The following NRG1 variants were observed in gnomAD, a reference collection of about 807,000 sequenced individuals.
NRG1 encodes pro-neuregulin-1, membrane-bound isoform.
Under a neutral mutation model 63.8 loss-of-function variants are expected in NRG1, and 18 were observed. That is an observed-to-expected ratio of 0.28 (90% CI 0.19 to 0.42). The LOEUF is 0.42. Among genes scored for constraint, NRG1 ranks in the 10% least tolerant of loss-of-function variants. The probability of loss-of-function intolerance (pLI) is 1.00; values close to 1 mark genes in which losing one functional copy is unlikely to be tolerated. For missense variants in NRG1, 762 were observed against 814.7 expected (o/e 0.94, Z 0.79); for synonymous variants, 302 against 301.3 (o/e 1.00, Z -0.02).
chr8:32,130,028 A>G (rs2131620607), intron 1 of NRG1, among the ~76,000 whole-genome samples: 2 of 152,084 alleles, frequency 1.3e-5, no homozygotes, highest in South Asian at 4.2e-4. Context: ...TAAAAAATGT[A>G]AGAACTCTGA....
At chr8:31,822,227 A>G (rs1055639529) in intron 1 of NRG1, among the ~76,000 whole-genome samples, 3 of 152,178 alleles carry the variant, frequency 2.0e-5, no homozygotes, top group Non-Finnish European at 4.4e-5. Flanking sequence ...ATACGATATC[A>G]CTCAACAGAA....
At chr8:32,452,968 A>G (rs1290023278) in intron 1 of NRG1, among the ~76,000 whole-genome samples, 1 of 152,194 alleles carries the variant, frequency 6.6e-6, no homozygotes, top group Non-Finnish European at 1.5e-5. Context: ...CATAGAATAT[A>G]AGCTATTTTT....
chr8:31,783,645 C>T (rs1260344043), intron 1 of NRG1, among the ~76,000 whole-genome samples: 2 of 150,976 alleles, frequency 1.3e-5, no homozygotes, highest in South Asian at 2.1e-4. Flanking sequence ...CCATCAAGAG[C>T]TGCATAGCTT....
At chr8:32,489,726 C>A (rs1001094314) in intron 1 of NRG1, among the ~76,000 whole-genome samples, 1 of 152,182 alleles carries the variant, frequency 6.6e-6, no homozygotes, top group Admixed American at 6.5e-5. Context: ...TTTCACTTAA[C>A]AATAGCTGGC....
intron 1 of NRG1, among the ~76,000 whole-genome samples, chr8:32,126,500 G>C (rs940318927): frequency 6.6e-6 from 1 of 151,786 alleles, no homozygotes; most frequent in Admixed American, 6.6e-5. Context: ...CAGCTGTTGG[G>C]GTTTAGAGCT....
At chr8:31,957,671 G>C (rs1023727682) in intron 1 of NRG1, among the ~76,000 whole-genome samples, 1 of 152,124 alleles carries the variant, frequency 6.6e-6, no homozygotes, top group African/African-American at 2.4e-5. Flanking sequence ...GTGTAAATTT[G>C]CACTGACAGC....
intron 11 of NRG1, among the ~76,000 whole-genome samples, 167 bp from the exon 12 acceptor site, chr8:32,763,581 G>A (rs1012109122): frequency 6.6e-6 from 1 of 152,222 alleles, no homozygotes; most frequent in Non-Finnish European, 1.5e-5. Context: ...CCTAATTTTC[G>A]ATTCCAAGGG....
intron 1 of NRG1, among the ~76,000 whole-genome samples, chr8:32,520,280 G>A (rs1007488420): frequency 6.6e-6 from 1 of 151,268 alleles, no homozygotes; most frequent in African/African-American, 2.4e-5. Context: ...TCCCACTTCT[G>A]CCTGTAGCTG....
chr8:32,636,572 G>A (rs947731283), intron 5 of NRG1, among the ~76,000 whole-genome samples: 5 of 152,126 alleles, frequency 3.3e-5, no homozygotes, highest in South Asian at 2.1e-4. Flanking sequence ...AATAAGCTTA[G>A]CATCTAACCT....
intron 5 of NRG1, among the ~76,000 whole-genome samples, chr8:32,703,055 G>A (rs973268547): frequency 2.6e-4 from 39 of 152,074 alleles, no homozygotes; most frequent in Non-Finnish European, 5.9e-5. Flanking sequence ...TAACAGGGTG[G>A]CATTTAATTA....
At chr8:31,642,345 T>G in intron 1 of NRG1, among the ~76,000 whole-genome samples, 1 of 152,362 alleles carries the variant, frequency 6.6e-6, no homozygotes. Flanking sequence ...TTTTGAATCA[T>G]TCACACCACA....
chr8:32,023,599 G>T (rs1816786642), intron 1 of NRG1, among the ~76,000 whole-genome samples: 1 of 152,186 alleles, frequency 6.6e-6, no homozygotes. Context: ...ATCAGAAGCA[G>T]CTCCAGTCCT....
chr8:32,457,986 C>T (rs564599457), intron 1 of NRG1, among the ~76,000 whole-genome samples: 2 of 151,940 alleles, frequency 1.3e-5, no homozygotes, highest in East Asian at 3.9e-4. Context: ...GGTGCGATCT[C>T]GGCTCCCTGC....
chr8:31,937,164 G>C (rs913698965), intron 1 of NRG1, among the ~76,000 whole-genome samples: 1 of 152,040 alleles, frequency 6.6e-6, no homozygotes, highest in Non-Finnish European at 1.5e-5. Context: ...TGCACCATTT[G>C]TCACCAGTTC....
chr8:32,754,523 C>T, intron 8 of NRG1, 49 bp downstream of exon 8: 1 of 1,540,386 alleles, frequency 6.5e-7, no homozygotes. Flanking sequence ...GCAGAGACAG[C>T]TTAGATGGCC....
At chr8:32,576,997 A>G (rs1839769628) in intron 1 of NRG1, among the ~76,000 whole-genome samples, 1 of 151,914 alleles carries the variant, frequency 6.6e-6, no homozygotes, top group Non-Finnish European at 1.5e-5. Flanking sequence ...AGTAGTCCCC[A>G]GTGTCTGTTT....
At chr8:32,739,803 G>GGT (rs915590690) in intron 6 of NRG1, among the ~76,000 whole-genome samples, 17 of 151,920 alleles carry the variant, frequency 1.1e-4, no homozygotes, top group African/African-American at 3.4e-4. Flanking sequence ...GCAATTGTGT[G>GGT]GTGTGTGTGT....
chr8:31,800,550 A>G (rs1031496716), intron 1 of NRG1, among the ~76,000 whole-genome samples: 14 of 152,324 alleles, frequency 9.2e-5, no homozygotes, highest in African/African-American at 3.4e-4. Flanking sequence ...AATTGTAATC[A>G]TCCTCTTGGA....
chr8:31,708,291 AC>A (rs1287464627), intron 1 of NRG1, among the ~76,000 whole-genome samples: 1 of 151,976 alleles, frequency 6.6e-6, no homozygotes, highest in African/African-American at 2.4e-5. Flanking sequence ...AGTGATGGCA[AC>A]CCAGCCTCAA....
Sources: gnomAD v4.1 joint callset for allele counts (sites outside exome capture counted in the v4.1 genomes callset) on GRCh38, gnomAD v4.1.1 for gene constraint, MANE v1.5 for transcripts, NCBI Gene and HGNC (gene_info 2026-07-23, HGNC 2026-07-21) for gene names.